CEP290: variants seen among roughly 807,000 people sequenced by gnomAD.
The protein encoded by CEP290 is centrosomal protein of 290 kDa.
In CEP290, 317 loss-of-function variants were observed where a neutral mutation model predicts 344.9. The ratio of observed to expected loss-of-function variants is 0.92; its 90% CI spans 0.84 to 1.01. The LOEUF (loss-of-function observed/expected upper bound fraction) is 1.01. Among genes scored for constraint, CEP290 ranks in the 50% least tolerant of loss-of-function variants. The probability of loss-of-function intolerance (pLI) is 0.00; values close to 1 mark genes in which losing one functional copy is unlikely to be tolerated. For missense variants in CEP290, 2,754 were observed against 2,761.4 expected, an observed-to-expected ratio of 1.00 and a Z score of 0.06; for synonymous variants, 932 against 895.8, an observed-to-expected ratio of 1.04 and a Z score of -0.72.
At chr12:88,141,641 A>G (rs917099760) in intron 1 of CEP290, among the ~76,000 whole-genome samples, 1 of 151,884 alleles carries the variant, frequency 6.6e-6, no homozygotes, top group Non-Finnish European at 1.5e-5. Flanking sequence ...GAACACCCTA[A>G]TCCTGGCAAG....
At chr12:88,064,354 T>C (rs1365679654) in intron 44 of CEP290, among the ~76,000 whole-genome samples, 2 of 152,130 alleles carry the variant, frequency 1.3e-5, no homozygotes, top group Non-Finnish European at 2.9e-5. Context: ...CTTAATAATG[T>C]CCATACATAT....
chr12:88,074,662 C>T (rs548389820), intron 41 of CEP290, among the ~76,000 whole-genome samples: 2 of 152,314 alleles, frequency 1.3e-5, no homozygotes, highest in African/African-American at 2.4e-5. Flanking sequence ...TTCACCTGCC[C>T]TAAGGCAGGA....
chr12:88,097,235 A>C (rs1244960542), intron 26 of CEP290, among the ~76,000 whole-genome samples: 4 of 152,086 alleles, frequency 2.6e-5, no homozygotes, highest in African/African-American at 4.8e-5. Context: ...CCCAAATCTC[A>C]TCTTGAATCA....
rs752257040 is a variant in CEP290, at chr12:88,049,195, GGAAA to G, written c.7425_7428del (p.Phe2476ProfsTer8). 2 of 1,586,010 alleles carry G rather than the reference GGAAA, an allele frequency of 1.3e-6. No homozygotes were observed. ...TTTATAGGTGACCTTTAGTAAATGG[GGAAA>G]TTAACAGGACTTTCTTCTTCATCTT... On this transcript the variant is annotated frameshift_variant, in exon 54 of 54. Coordinates refer to ENST00000552810, the MANE Select transcript of CEP290 (RefSeq NM_025114.4). LOFTEE classifies it high-confidence loss of function.
rs151305078 is a variant in CEP290, at chr12:88,069,388, G to GA, written c.6012-744dup. Among the ~76,000 whole-genome samples, 839 of 146,380 alleles carry GA rather than the reference G, an allele frequency of 5.7e-3. 7 individuals carry two copies. Among genetic ancestry groups the GA allele is most frequent in the African/African-American group, 0.02 (792 of 40,090 alleles). On this transcript the variant is annotated intron_variant, in intron 43 of 53. Transcript: ENST00000552810. ...GCCCGCATGAACTCACATTATTAGAGAAAAAAAAAATGGCCTCTAAAAGTA... is the reference window on the plus strand; with the variant it reads ...GCCCGCATGAACTCACATTATTAGAGAAAAAAAAAAATGGCCTCTAAAAGTA...
Position 88,141,316 on chromosome 12 carries a change from C to T in CEP290, c.-9G>A. On this transcript the variant is annotated 5_prime_UTR_variant, in exon 2 of 54. Coordinates refer to ENST00000552810, the MANE Select transcript of CEP290 (RefSeq NM_025114.4). The stretch of plus-strand genomic sequence containing the variant: ...TTTATATTAGGTGGCATCTTGAATT[C>T]TTTCACTGTGCTCCACCTCTGTAAC... 1 of 1,583,110 alleles carries T rather than the reference C, an allele frequency of 6.3e-7. No homozygotes were observed. Among genetic ancestry groups the T allele is most frequent in the East Asian group, 2.3e-5 (1 of 44,334 alleles).
At chr12:88,123,309 C>T (rs1346290491) in intron 13 of CEP290, among the ~76,000 whole-genome samples, 4 of 152,096 alleles carry the variant, frequency 2.6e-5, no homozygotes, top group Admixed American at 6.6e-5. Context: ...CCTCAAGCTA[C>T]CACCTTGTTT....
intron 17 of CEP290, among the ~76,000 whole-genome samples, chr12:88,117,399 CT>C (rs1371588271): frequency 5.3e-5 from 8 of 152,086 alleles, no homozygotes; most frequent in African/African-American, 1.9e-4. Flanking sequence ...TATTAAAGTG[CT>C]ACTTAATAAG....
At chr12:88,093,556 A>G in intron 28 of CEP290, 1 of 466,020 alleles carries the variant, frequency 2.1e-6, no homozygotes, top group East Asian at 3.6e-5. Context: ...ATTAAATCTA[A>G]TAATATAACA....
chr12:88,068,330 CTGT>C (rs1219129222), intron 44 of CEP290, among the ~76,000 whole-genome samples, 189 bp downstream of exon 44: 1 of 151,848 alleles, frequency 6.6e-6, no homozygotes, highest in African/African-American at 2.4e-5. Context: ...CTTAAGTTTA[CTGT>C]TATTATGTTA....
At chr12:88,077,105 A>C (rs2035834419) in intron 41 of CEP290, 117 bp downstream of exon 41, 1 of 959,140 alleles carries the variant, frequency 1.0e-6, no homozygotes, top group African/African-American at 1.7e-5. Flanking sequence ...AAATTAATAC[A>C]GAATTAATAC....
Position 88,058,911 on chromosome 12 carries a change from T to C in CEP290, c.6755A>G (p.Glu2252Gly). Residue 2252 changes from glutamate (E) to glycine (G), a missense_variant, in exon 49 of 54, where the codon GAA (glutamate) becomes GGA (glycine). Physicochemically the swap from Glu to Gly is moderately conservative, Grantham distance 98 (BLOSUM62 -2). Transcript: ENST00000552810. ...EETGKRLQFA[E>G]SRGPQLEGAD... ...ACCTTCAAGCTGTGGACCTCTGCTT[T>C]CTGCAAACTGCAATCTCTTACCAGT... The C allele has an allele frequency of 1.2e-6, 2 of 1,613,968 alleles. No homozygotes were observed. The highest frequency in any genetic ancestry group is 1.7e-6 in the Non-Finnish European group (2 of 1,179,872).
At chr12:88,140,104 A>ATT (rs2040561875) in intron 3 of CEP290, among the ~76,000 whole-genome samples, 1 of 152,110 alleles carries the variant, frequency 6.6e-6, no homozygotes, top group Non-Finnish European at 1.5e-5. Context: ...AGCATGAAAC[A>ATT]TTTTTGATTC....
Position 88,055,632 on chromosome 12 carries a change from C to T in CEP290, c.6904G>A (p.Glu2302Lys). 1.3e-6 allele frequency: 2 copies of T among 1,574,416 alleles called. No homozygotes were observed. The highest frequency in any genetic ancestry group is 1.7e-4 in the Middle Eastern group (1 of 6,006). The change falls in exon 50 of 54, where the codon GAA becomes AAA. Residue 2302 changes from glutamate to lysine, a missense_variant. By Grantham distance (56) the Glu-to-Lys change is moderately conservative (BLOSUM62 1). Coordinates refer to ENST00000552810, the MANE Select transcript of CEP290 (RefSeq NM_025114.4). ...SITDLKQLVK[E>K]ATEREQKVNK... is the part of the protein sequence containing the mutation. ...ACTTTTTGTTCTCTCTCTGTTGCTTCTTTTACAAGCTGTTTAAGGTCAGTA... is the reference window on the plus strand; with the variant it reads ...ACTTTTTGTTCTCTCTCTGTTGCTTTTTTTACAAGCTGTTTAAGGTCAGTA...
intron 27 of CEP290, among the ~76,000 whole-genome samples, chr12:88,095,228 G>A (rs894425308): frequency 1.3e-5 from 2 of 152,130 alleles, no homozygotes; most frequent in Non-Finnish European, 2.9e-5. Context: ...AAAGGCTGAA[G>A]CAGACTAGCC....
intron 45 of CEP290, among the ~76,000 whole-genome samples, chr12:88,063,013 T>C (rs941388234): frequency 6.6e-6 from 1 of 151,996 alleles, no homozygotes; most frequent in African/African-American, 2.4e-5. Context: ...ATAATACAAA[T>C]TTAGAATTCT....
intron 39 of CEP290, 133 bp from the exon 40 acceptor site, chr12:88,078,051 A>T (rs2035915749): frequency 2.3e-6 from 1 of 432,956 alleles, no homozygotes; most frequent in East Asian, 3.7e-5. Flanking sequence ...GAGAAAAAAA[A>T]TAACCACAAA....
intron 11 of CEP290, among the ~76,000 whole-genome samples, chr12:88,128,247 T>C (rs1345183875): frequency 1.3e-5 from 2 of 152,208 alleles, no homozygotes; most frequent in Non-Finnish European, 2.9e-5. Context: ...TTTCCATTGC[T>C]AATGCTTTTG....
At chr12:88,098,930 A>T (rs1298757122) in intron 26 of CEP290, among the ~76,000 whole-genome samples, 1 of 152,164 alleles carries the variant, frequency 6.6e-6, no homozygotes, top group African/African-American at 2.4e-5. Flanking sequence ...AGTTGGAGAG[A>T]CCATCAGGGG....
Sources: gnomAD v4.1 joint callset for allele counts (sites outside exome capture counted in the v4.1 genomes callset) on GRCh38, gnomAD v4.1.1 for gene constraint, MANE v1.5 for transcripts, NCBI Gene and HGNC (gene_info 2026-07-23, HGNC 2026-07-21) for gene names.